Variants in ADARB2 observed in about 807,000 individuals in gnomAD.
ADARB2 encodes the protein inactive double-stranded RNA-specific editase B2.
ADARB2 carries 25 observed loss-of-function variants against 62.2 expected under a neutral mutation model. The ratio of observed to expected loss-of-function variants is 0.40; its 90% confidence interval spans 0.29 to 0.56. The LOEUF is 0.56. ADARB2 is among the 20% of genes least tolerant of loss of function. ADARB2 has a pLI of 0.43. For missense variants in ADARB2, 1,071 were observed against 1,077.4 expected (o/e 0.99, Z 0.08); for synonymous variants, 572 against 500.8 (o/e 1.14, Z -1.90).
intron 1 of ADARB2, among the ~76,000 whole-genome samples, chr10:1,561,506 A>G (rs1832786048): frequency 1.3e-5 from 2 of 152,220 alleles, no homozygotes. Flanking sequence ...GACAAAACAA[A>G]ATGAACAAAA....
chr10:1,650,612 A>G (rs1834098244), intron 1 of ADARB2, among the ~76,000 whole-genome samples: 1 of 152,206 alleles, frequency 6.6e-6, no homozygotes, highest in Non-Finnish European at 1.5e-5. Context: ...GGTCCGTGAA[A>G]GGTCTAAGTT....
chr10:1,200,346 C>T (rs1054707640), intron 7 of ADARB2, 199 bp from the exon 8 acceptor site: 1 of 696,860 alleles, frequency 1.4e-6, no homozygotes, highest in Non-Finnish European at 2.6e-6. Flanking sequence ...GACTGGGCTC[C>T]ACAGGCCCAT....
At chr10:1,685,895 G>A (rs185459583) in intron 1 of ADARB2, among the ~76,000 whole-genome samples, 1 of 152,312 alleles carries the variant, frequency 6.6e-6, no homozygotes, top group African/African-American at 2.4e-5. Flanking sequence ...AGTATGTGCA[G>A]GGCGGACGTG....
Position 1,328,562 on chromosome 10 carries a change from A to C in ADARB2, c.1077+34466T>G, listed in dbSNP as rs1831898286. 2.0e-5 allele frequency among the ~76,000 whole-genome samples: 3 copies of C among 152,116 alleles called. No homozygotes were observed. The South Asian group carries it at 6.2e-4, about 32-fold the overall frequency. ...ACATACTTCAATTATTCTTATCATC[A>C]TATTTTGCAGACATTCCTGGAGCGG... On this transcript the variant is annotated intron_variant, in intron 3 of 9. Transcript: ENST00000381312.
rs112590332 is a variant in ADARB2, at chr10:1,360,546, T to C, written c.1077+2482A>G. 2.8e-3 allele frequency among the ~76,000 whole-genome samples: 424 copies of C among 152,264 alleles called. 5 individuals are homozygous for C. Among genetic ancestry groups the C allele is most frequent in the African/African-American group, 9.7e-3 (404 of 41,532 alleles). Reference sequence around the variant, plus strand: ...CAATTTCTGAAGTCTTTTCATTTTTTCCCCCTGAATCACATCCATAATAGG... The same window carrying C: ...CAATTTCTGAAGTCTTTTCATTTTTCCCCCCTGAATCACATCCATAATAGG... On this transcript the variant is annotated intron_variant, in intron 3 of 9. Coordinates refer to ENST00000381312, the MANE Select transcript of ADARB2 (RefSeq NM_018702.4).
chr10:1,324,467 C>T (rs188895488), intron 3 of ADARB2, among the ~76,000 whole-genome samples: 1 of 152,268 alleles, frequency 6.6e-6, no homozygotes, highest in Admixed American at 6.5e-5. Context: ...CATATGAGCC[C>T]CAAACTGGAA....
chr10:1,219,983 T>C (rs1589155485), intron 6 of ADARB2, among the ~76,000 whole-genome samples: 1 of 131,312 alleles, frequency 7.6e-6, no homozygotes, highest in Non-Finnish European at 1.6e-5. Flanking sequence ...ATGGTGATGG[T>C]GGTGATGATG....
At chr10:1,306,777 G>T (rs1284685241) in intron 3 of ADARB2, among the ~76,000 whole-genome samples, 1 of 149,492 alleles carries the variant, frequency 6.7e-6, no homozygotes, top group South Asian at 2.3e-4. Flanking sequence ...AAATAACGCC[G>T]CATATCTACA....
At chr10:1,694,207 C>T (rs1268778432) in intron 1 of ADARB2, among the ~76,000 whole-genome samples, 1 of 152,210 alleles carries the variant, frequency 6.6e-6, no homozygotes, top group Non-Finnish European at 1.5e-5. Context: ...TACGGTTTTA[C>T]TACAAGCATT....
At chr10:1,523,232 AATG>A (rs1479659619) in intron 1 of ADARB2, among the ~76,000 whole-genome samples, 7 of 152,234 alleles carry the variant, frequency 4.6e-5, no homozygotes, top group Non-Finnish European at 7.3e-5. Context: ...ATTAATTAAT[AATG>A]ATAACAAATG....
At position 1,242,378 on chromosome 10, in the gene ADARB2, A is replaced by G. The variant is rs539194971; in HGVS notation, c.1193-79T>C. On this transcript the variant is annotated intron_variant, in intron 4 of 9. Coordinates refer to ENST00000381312, the MANE Select transcript of ADARB2 (RefSeq NM_018702.4). ...CTCCTCGGTCTTTTCAGGGTCTCAC[A>G]ACAGCGGTTTCCCTGGGTTAGGAAA... 82 of 1,449,026 alleles carry G rather than the reference A, an allele frequency of 5.7e-5. No individual in the cohort carries two copies. In the African/African-American group the frequency reaches 1.0e-3, roughly 18 times the overall value. 89.8% of individuals were successfully genotyped at this position (1,449,026 alleles called of 1,614,324 possible).
chr10:1,608,476 G>A (rs1412250811), intron 1 of ADARB2, among the ~76,000 whole-genome samples: 4 of 149,870 alleles, frequency 2.7e-5, no homozygotes, highest in African/African-American at 9.8e-5. Context: ...AGGGAAGGAA[G>A]GAAAAAAGGA....
At chr10:1,601,193 C>G (rs376559442) in intron 1 of ADARB2, among the ~76,000 whole-genome samples, 1 of 152,212 alleles carries the variant, frequency 6.6e-6, no homozygotes, top group Non-Finnish European at 1.5e-5. Context: ...AGAGACACCA[C>G]GTGTGGCTCA....
chr10:1,295,932 A>G (rs1831518845), intron 3 of ADARB2, among the ~76,000 whole-genome samples: 1 of 152,194 alleles, frequency 6.6e-6, no homozygotes. Context: ...GCAACGGCTC[A>G]GTCAGCAAGC....
intron 8 of ADARB2, chr10:1,199,629 GCAGGTGGGCAGGTGGGCGGC>G (rs1325003060): frequency 3.0e-5 from 4 of 131,490 alleles, no homozygotes; most frequent in African/African-American, 1.2e-4. Context: ...GGCCAGGTGG[GCAGGTGGGCAGGTGGGCGGC>G]CAGGTGGGCA....
Position 1,417,222 on chromosome 10 carries a change from C to G in ADARB2, c.101-38062G>C, listed in dbSNP as rs34537587. Among the ~76,000 whole-genome samples the G allele has an allele frequency of 3.3e-5, 5 of 151,728 alleles. No homozygotes were observed. In the East Asian group the frequency reaches 5.8e-4, roughly 18 times the overall value. Reference sequence around the variant, plus strand: ...GTCAAGAAGTGTAGACCAAGACAGTCAAGAAGTGTAGACCAAGACAGTCAA... The same window carrying G: ...GTCAAGAAGTGTAGACCAAGACAGTGAAGAAGTGTAGACCAAGACAGTCAA... On this transcript the variant is annotated intron_variant, in intron 1 of 9. Transcript: ENST00000381312.
At chr10:1,455,847 A>G (rs1831089367) in intron 1 of ADARB2, among the ~76,000 whole-genome samples, 1 of 152,148 alleles carries the variant, frequency 6.6e-6, no homozygotes, top group Non-Finnish European at 1.5e-5. Flanking sequence ...TCTATTTCTC[A>G]CCTATCACCA....
chr10:1,247,263 T>A (rs539928564), intron 4 of ADARB2, among the ~76,000 whole-genome samples: 1 of 152,366 alleles, frequency 6.6e-6, no homozygotes, highest in Admixed American at 6.5e-5. Flanking sequence ...TATACAATCA[T>A]GTCATCTGCA....
intron 1 of ADARB2, among the ~76,000 whole-genome samples, chr10:1,626,768 G>A (rs966615862): frequency 7.2e-5 from 11 of 152,148 alleles, no homozygotes; most frequent in East Asian, 5.8e-4. Flanking sequence ...AAAGCAACCC[G>A]CACGGTCTGA....
Sources: gnomAD v4.1 joint callset for allele counts (sites outside exome capture counted in the v4.1 genomes callset) on GRCh38, gnomAD v4.1.1 for gene constraint, MANE v1.5 for transcripts, NCBI Gene and HGNC (gene_info 2026-07-23, HGNC 2026-07-21) for gene names.